Variants in SLIT1 observed in about 807,000 individuals in gnomAD.
The protein encoded by SLIT1 is slit guidance ligand 1.
In SLIT1, 66 loss-of-function variants were observed where a neutral mutation model predicts 186.1. That is an observed-to-expected ratio of 0.35 (90% CI 0.29 to 0.44). The LOEUF (loss-of-function observed/expected upper bound fraction) is 0.44, where lower values mean the gene tolerates loss of function less well. Among genes scored for constraint, SLIT1 ranks in the 20% least tolerant of loss-of-function variants. The pLI, the probability that SLIT1 is intolerant of heterozygous loss-of-function variation, is 1.00. For missense variants in SLIT1, 1,638 were observed against 2,037.4 expected (o/e 0.80, Z 3.77); for synonymous variants, 761 against 833.8 (o/e 0.91, Z 1.50).
Position 97,018,963 on chromosome 10 carries a change from C to G in SLIT1, c.2871+20G>C, listed in dbSNP as rs371616001. Reference sequence around the variant, plus strand: ...GTACACGAAGAGCCCTCCTCCTCCCCGGCCTCTGCCTCCACTCACCTTATA... The same window carrying G: ...GTACACGAAGAGCCCTCCTCCTCCCGGGCCTCTGCCTCCACTCACCTTATA... On this transcript the variant is annotated intron_variant, in intron 27 of 36. Transcript: ENST00000266058. 1 of 1,483,928 alleles carries G rather than the reference C, an allele frequency of 6.7e-7. No homozygotes were observed. Among genetic ancestry groups the G allele is most frequent in the Admixed American group, 1.7e-5 (1 of 59,358 alleles). The allele number at this position is 1,483,928 out of a possible 1,614,324, so 91.9% of individuals were successfully genotyped here.
At chr10:97,161,520 T>C (rs1350539395) in intron 3 of SLIT1, among the ~76,000 whole-genome samples, 1 of 152,212 alleles carries the variant, frequency 6.6e-6, no homozygotes, top group Non-Finnish European at 1.5e-5. Flanking sequence ...CTCAGGCCTG[T>C]AATCCCAGCA....
chr10:97,166,441 G>C (rs530399858), intron 1 of SLIT1, among the ~76,000 whole-genome samples: 1 of 151,196 alleles, frequency 6.6e-6, no homozygotes, highest in African/African-American at 2.4e-5. Flanking sequence ...GCTTGAACCC[G>C]GGAGGTGGAG....
chr10:97,176,136 T>A (rs1319105287), intron 1 of SLIT1, among the ~76,000 whole-genome samples: 1 of 152,140 alleles, frequency 6.6e-6, no homozygotes, highest in Non-Finnish European at 1.5e-5. Context: ...GAATCTCAGC[T>A]TACCACTTAC....
At chr10:97,109,933 T>C (rs1420393094) in intron 4 of SLIT1, among the ~76,000 whole-genome samples, 1 of 152,180 alleles carries the variant, frequency 6.6e-6, no homozygotes, top group Non-Finnish European at 1.5e-5. Context: ...AACACTGTAT[T>C]CAGCTCAGTT....
At chr10:97,106,654 T>TTA (rs1849418590) in intron 4 of SLIT1, among the ~76,000 whole-genome samples, 1 of 151,476 alleles carries the variant, frequency 6.6e-6, no homozygotes, top group Non-Finnish European at 1.5e-5. Flanking sequence ...TTTTTTTTTT[T>TTA]AAACTTGCCC....
chr10:97,018,386 C>T (rs7069617), intron 28 of SLIT1, among the ~76,000 whole-genome samples, 200 bp downstream of exon 28: 3 of 152,112 alleles, frequency 2.0e-5, no homozygotes, highest in Non-Finnish European at 4.4e-5. Context: ...ACTGCATCTG[C>T]GCAAGGAAGG....
At chr10:97,064,142 G>T in intron 7 of SLIT1, 26 bp downstream of exon 7, 1 of 1,594,448 alleles carries the variant, frequency 6.3e-7, no homozygotes, top group Non-Finnish European at 8.6e-7. Context: ...TGGCTGCCCC[G>T]CTCCCAGCTG....
At chr10:97,149,516 A>G (rs1243003164) in intron 4 of SLIT1, among the ~76,000 whole-genome samples, 1 of 151,994 alleles carries the variant, frequency 6.6e-6, no homozygotes, top group African/African-American at 2.4e-5. Flanking sequence ...CCCTCCTAAG[A>G]CTCACCATGC....
chr10:97,176,613 T>G (rs1227357265), intron 1 of SLIT1, among the ~76,000 whole-genome samples: 1 of 152,212 alleles, frequency 6.6e-6, no homozygotes, highest in East Asian at 1.9e-4. Flanking sequence ...CTCTGCCCAC[T>G]TTACCAGTGA....
intron 4 of SLIT1, among the ~76,000 whole-genome samples, chr10:97,113,162 A>G (rs1272115696): frequency 1.3e-5 from 2 of 152,226 alleles, no homozygotes; most frequent in African/African-American, 2.4e-5. Flanking sequence ...ATAATTATAT[A>G]TAATTTGATA....
chr10:97,027,317 C>CA (rs2134605959), intron 25 of SLIT1, among the ~76,000 whole-genome samples: 1 of 152,370 alleles, frequency 6.6e-6, no homozygotes, highest in East Asian at 1.9e-4. Context: ...GTCTTAAGCA[C>CA]AGAGGCGACA....
At chr10:97,073,816 G>T (rs772071396) in intron 4 of SLIT1, among the ~76,000 whole-genome samples, 24 of 152,150 alleles carry the variant, frequency 1.6e-4, no homozygotes, top group Non-Finnish European at 3.4e-4. Flanking sequence ...GCAACATGGG[G>T]ATGGAAAGCG....
intron 2 of SLIT1, among the ~76,000 whole-genome samples, chr10:97,164,204 C>T (rs957838532): frequency 6.6e-6 from 1 of 152,376 alleles, no homozygotes; most frequent in Non-Finnish European, 1.5e-5. Context: ...GTTTTTCCCC[C>T]TGCATCTGTC....
At chr10:97,129,306 G>A (rs1564682750) in intron 4 of SLIT1, among the ~76,000 whole-genome samples, 1 of 151,738 alleles carries the variant, frequency 6.6e-6, no homozygotes, top group East Asian at 1.9e-4. Context: ...GGAGGCTGAG[G>A]CAAGAGAATC....
At chr10:97,003,308 C>T (rs751532277) in intron 34 of SLIT1, among the ~76,000 whole-genome samples, 17 of 152,362 alleles carry the variant, frequency 1.1e-4, no homozygotes, top group Non-Finnish European at 1.6e-4. Flanking sequence ...CTCCCTGGGA[C>T]GCTAGCTTTT....
At chr10:97,111,441 C>T (rs1488084010) in intron 4 of SLIT1, among the ~76,000 whole-genome samples, 4 of 152,078 alleles carry the variant, frequency 2.6e-5, no homozygotes, top group Admixed American at 6.5e-5. Flanking sequence ...TCATTATAAC[C>T]GTGGAAACTA....
intron 4 of SLIT1, among the ~76,000 whole-genome samples, chr10:97,096,669 C>T (rs562695717): frequency 2.0e-5 from 3 of 152,252 alleles, no homozygotes; most frequent in Admixed American, 1.3e-4. Context: ...ACAGCCCACC[C>T]GCCCCAGCTC....
intron 4 of SLIT1, among the ~76,000 whole-genome samples, chr10:97,142,842 G>A (rs537586381): frequency 2.0e-4 from 30 of 152,150 alleles, no homozygotes; most frequent in East Asian, 1.9e-3. Context: ...AAGATGATAC[G>A]CAAATAACCA....
intron 4 of SLIT1, among the ~76,000 whole-genome samples, chr10:97,139,927 C>T (rs1849741148): frequency 1.3e-5 from 2 of 152,146 alleles, no homozygotes; most frequent in African/African-American, 4.8e-5. Flanking sequence ...AGGTGCCCAT[C>T]GCCCCTCACT....
Sources: gnomAD v4.1 joint callset for allele counts (sites outside exome capture counted in the v4.1 genomes callset) on GRCh38, gnomAD v4.1.1 for gene constraint, MANE v1.5 for transcripts, NCBI Gene and HGNC (gene_info 2026-07-23, HGNC 2026-07-21) for gene names.